NRG1: variants seen among roughly 807,000 people sequenced by gnomAD.
The protein encoded by NRG1 is pro-neuregulin-1, membrane-bound isoform.
NRG1 carries 18 observed loss-of-function variants against 63.8 expected under a neutral mutation model. That is an observed-to-expected ratio of 0.28 (90% CI 0.19 to 0.42). The LOEUF is 0.42. NRG1 is among the 10% of genes least tolerant of loss of function. NRG1 has a pLI of 1.00. For synonymous variants in NRG1, 302 were observed against 301.3 expected (o/e 1.00, Z -0.02); for missense variants, 762 against 814.7 (o/e 0.94, Z 0.79).
chr8:31,911,387 C>T (rs28668895), intron 1 of NRG1, among the ~76,000 whole-genome samples: 29,638 of 152,106 alleles, frequency 0.19, 4,062 homozygotes, highest in African/African-American at 0.38. Flanking sequence ...ATATACACTA[C>T]TGAATACTGT....
chr8:32,096,998 C>A (rs1486015618), intron 1 of NRG1, among the ~76,000 whole-genome samples: 1 of 152,176 alleles, frequency 6.6e-6, no homozygotes, highest in African/African-American at 2.4e-5. Context: ...CTTCATTCCT[C>A]ACTCCCTCAT....
At chr8:32,550,453 G>A (rs992783457) in intron 1 of NRG1, among the ~76,000 whole-genome samples, 1 of 152,130 alleles carries the variant, frequency 6.6e-6, no homozygotes, top group Non-Finnish European at 1.5e-5. Context: ...ACTGTTTGTG[G>A]TTGTGTTCTC....
intron 1 of NRG1, among the ~76,000 whole-genome samples, chr8:32,366,697 A>ATATATATATATC: frequency 8.8e-6 from 1 of 113,558 alleles, no homozygotes; most frequent in Admixed American, 9.7e-5. Flanking sequence ...ATATATATAT[A>ATATATATATATC]TATATATATA....
chr8:31,986,766 A>C (rs1325020221), intron 1 of NRG1, among the ~76,000 whole-genome samples: 2 of 152,130 alleles, frequency 1.3e-5, no homozygotes, highest in East Asian at 3.9e-4. Context: ...TCACTGCAGG[A>C]GACAAATAGA....
In NRG1 at chr8:32,397,298, T is replaced by G. The variant is rs74646451; in HGVS notation, c.38-198530T>G. On this transcript the variant is annotated intron_variant, in intron 1 of 10. Transcript: ENST00000519301. ...TGAAAATCTGATTAACTTTTAATCC[T>G]CAGTCTCCTCATTTGTAAAATGAAA... Among the ~76,000 whole-genome samples the G allele has an allele frequency of 6.4e-3, 973 of 152,336 alleles. 13 individuals are homozygous for G. Among genetic ancestry groups the G allele is most frequent in the African/African-American group, 0.022 (933 of 41,578 alleles).
chr8:32,298,732 A>AG (rs565090406), intron 1 of NRG1, among the ~76,000 whole-genome samples: 11,097 of 110,786 alleles, frequency 0.1, 629 homozygotes, highest in Non-Finnish European at 0.11. Context: ...AAAAAAAAAG[A>AG]AAAGAAAAGA....
chr8:31,683,587 A>G (rs1808564827), intron 1 of NRG1, among the ~76,000 whole-genome samples: 2 of 152,168 alleles, frequency 1.3e-5, no homozygotes, highest in Non-Finnish European at 2.9e-5. Flanking sequence ...CAGGGCGGTG[A>G]AACTATTTTT....
At chr8:32,102,005 A>C (rs1329547025) in intron 1 of NRG1, among the ~76,000 whole-genome samples, 1 of 152,146 alleles carries the variant, frequency 6.6e-6, no homozygotes, top group African/African-American at 2.4e-5. Flanking sequence ...TTTAGACTTG[A>C]GCAGTTTAGC....
intron 1 of NRG1, among the ~76,000 whole-genome samples, chr8:32,297,026 A>T (rs528955272): frequency 1.1e-3 from 172 of 152,096 alleles, no homozygotes; most frequent in Non-Finnish European, 2.1e-3. Context: ...GAGGCAGGAG[A>T]ATCGCTTGAA....
intron 1 of NRG1, among the ~76,000 whole-genome samples, chr8:32,549,118 C>A (rs1196317283): frequency 1.3e-5 from 2 of 152,230 alleles, no homozygotes; most frequent in Non-Finnish European, 2.9e-5. Context: ...GGCCCCTCCC[C>A]AGCGCCTTAG....
intron 5 of NRG1, among the ~76,000 whole-genome samples, chr8:32,710,427 G>A (rs931660879): frequency 1.3e-5 from 2 of 152,070 alleles, no homozygotes; most frequent in Admixed American, 6.6e-5. Flanking sequence ...TATTGCACAG[G>A]CATCATAACT....
At chr8:31,887,255 A>C (rs1830789419) in intron 1 of NRG1, among the ~76,000 whole-genome samples, 2 of 152,128 alleles carry the variant, frequency 1.3e-5, no homozygotes, top group Non-Finnish European at 2.9e-5. Context: ...TAGTAACGAC[A>C]AACATACATA....
chr8:32,422,676 T>C (rs896921567), intron 1 of NRG1, among the ~76,000 whole-genome samples: 6 of 152,218 alleles, frequency 3.9e-5, no homozygotes, highest in Non-Finnish European at 7.3e-5. Flanking sequence ...TACAGTGTAG[T>C]AAAGTGCCAG....
intron 1 of NRG1, among the ~76,000 whole-genome samples, chr8:32,083,860 G>A (rs894541434): frequency 2.0e-5 from 3 of 151,882 alleles, no homozygotes; most frequent in Admixed American, 6.6e-5. Flanking sequence ...TAATGGTAGC[G>A]GTAATTATAG....
chr8:32,433,290 C>T (rs749476951), intron 1 of NRG1, among the ~76,000 whole-genome samples: 2 of 152,220 alleles, frequency 1.3e-5, no homozygotes, highest in South Asian at 2.1e-4. Context: ...CAACTCACTT[C>T]GACACCCTCC....
intron 1 of NRG1, among the ~76,000 whole-genome samples, chr8:32,595,625 G>T (rs564376563): frequency 3.3e-5 from 5 of 152,212 alleles, no homozygotes; most frequent in South Asian, 2.1e-4. Flanking sequence ...TTGGTTCTCT[G>T]CTTCTGAGTA....
In NRG1 at chr8:31,688,336, T is replaced by C. The variant is rs1809123750; in HGVS notation, c.37+48905T>C. Among the ~76,000 whole-genome samples, 3 of 152,154 alleles carry C rather than the reference T, an allele frequency of 2.0e-5. No individual in the cohort carries two copies. The South Asian group carries it at 6.2e-4, about 32-fold the overall frequency. On this transcript the variant is annotated intron_variant, in intron 1 of 10. Coordinates refer to the NRG1 transcript ENST00000519301. ...CCTTATATAAAAGGGCCAACGGAGC[T>C]TGTTTGTCCCTTCCAGGACATGCGA...
At chr8:31,887,726 A>G (rs931233435) in intron 1 of NRG1, among the ~76,000 whole-genome samples, 15 of 152,088 alleles carry the variant, frequency 9.9e-5, no homozygotes, top group Admixed American at 2.0e-4. Flanking sequence ...ATCTTTAATG[A>G]TAGGAGTCAA....
At chr8:32,445,618 G>A (rs1415792630) in intron 1 of NRG1, among the ~76,000 whole-genome samples, 1 of 152,074 alleles carries the variant, frequency 6.6e-6, no homozygotes, top group East Asian at 1.9e-4. Flanking sequence ...AATGATACTG[G>A]CCAACTGACT....
Sources: allele counts gnomAD v4.1 joint callset (sites outside exome capture counted in the v4.1 genomes callset), GRCh38; gene constraint gnomAD v4.1.1; transcripts MANE v1.5; gene names NCBI Gene and HGNC (gene_info 2026-07-23, HGNC 2026-07-21).